The following ZCCHC2 variants were observed in gnomAD, a reference collection of about 807,000 sequenced individuals.
ZCCHC2 encodes the protein zinc finger CCHC-type containing 2, also known as zinc finger CCHC domain-containing protein 2.
Under a neutral mutation model 103.6 loss-of-function variants are expected in ZCCHC2, and 39 were observed. The observed-to-expected ratio is 0.38, with a 90% CI of 0.29 to 0.49. The LOEUF (loss-of-function observed/expected upper bound fraction) is 0.49. ZCCHC2 is among the 20% of genes least tolerant of loss of function. The probability of loss-of-function intolerance (pLI) is 0.96; values close to 1 mark genes in which losing one functional copy is unlikely to be tolerated. For missense variants in ZCCHC2, 1,483 were observed against 1,491.0 expected, an observed-to-expected ratio of 0.99 and a Z score of 0.09; for synonymous variants, 687 against 608.9, an observed-to-expected ratio of 1.13 and a Z score of -1.89.
intron 3 of ZCCHC2, among the ~76,000 whole-genome samples, chr18:62,543,371 G>T (rs1196956713): frequency 6.6e-6 from 1 of 152,082 alleles, no homozygotes; most frequent in African/African-American, 2.4e-5. Context: ...TGGAGAGCAG[G>T]AATCTTCATT....
rs770664207 is a variant in ZCCHC2 at position 62,550,327 on chromosome 18, A to G, written c.1201-21A>G. 5.2e-6 allele frequency: 8 copies of G among 1,545,410 alleles called. No homozygotes were observed. In the East Asian group the frequency reaches 1.1e-4, roughly 22 times the overall value. ...GTAAGTGAGAAACTTAACATTGGAT[A>G]TTGTGGTTTTTCTTTTCTAGCTTCC... is the stretch of plus-strand genomic sequence containing the variant. On this transcript the variant is annotated intron_variant, in intron 4 of 13. Coordinates refer to ENST00000269499, the MANE Select transcript of ZCCHC2 (RefSeq NM_017742.6).
At chr18:62,561,845 A>G (rs1028460874) in intron 8 of ZCCHC2, among the ~76,000 whole-genome samples, 5 of 152,246 alleles carry the variant, frequency 3.3e-5, no homozygotes, top group Admixed American at 1.3e-4. Context: ...CTTTGCATGA[A>G]TTCTTGAATC....
Position 62,523,375 on chromosome 18 carries a change from G to GGGGGGC in ZCCHC2, c.-49_-48insGGGGCG. ...CGCCTCGGCCCGTGCTCCACCTCGC[G>GGGGGGC]GCCCCTCCCGCCCGCCCCCGCTCGC... On this transcript the variant is annotated 5_prime_UTR_variant, in exon 1 of 14. Transcript: ENST00000269499. The GGGGGGC allele has an allele frequency of 9.9e-7, 1 of 1,009,540 alleles. No homozygotes were observed. Among genetic ancestry groups the GGGGGGC allele is most frequent in the Non-Finnish European group, 1.2e-6 (1 of 847,972 alleles). 62.5% of individuals were successfully genotyped at this position (1,009,540 alleles called of 1,614,324 possible).
Position 62,563,157 on chromosome 18 carries a change from T to C in ZCCHC2, c.1686+13T>C, listed in dbSNP as rs750702841. On this transcript the variant is annotated intron_variant, in intron 9 of 13. Coordinates refer to ENST00000269499, the MANE Select transcript of ZCCHC2 (RefSeq NM_017742.6). ...CTCGGCTGACCAGGTGTGTGGGGAG[T>C]TTGTTTTGGAGCTATATAGTTAAAG... is the stretch of plus-strand genomic sequence containing the variant. The C allele has an allele frequency of 7.5e-6, 12 of 1,608,458 alleles. No homozygotes were observed. Among genetic ancestry groups the C allele is most frequent in the Non-Finnish European group, 7.7e-6 (9 of 1,175,886 alleles).
chr18:62,524,128 G>A lies in ZCCHC2; in HGVS notation c.704G>A (p.Gly235Asp), dbSNP rs555064117. 1.7e-4 allele frequency: 255 copies of A among 1,539,300 alleles called. No individual in the cohort carries two copies. The highest frequency in any genetic ancestry group is 2.4e-4 in the Admixed American group (12 of 50,606). ...GGCGAGCAGGACGCCGAGAAGGACG[G>A]CTCAGGCCCGGAAGGCGGCATTGTG... ...GDGEQDAEKD[G>D]SGPEGGIVEP... Residue 235 changes from glycine to aspartate, a missense_variant, in exon 1 of 14, where the codon GGC becomes GAC. This residue lies in a region of ZCCHC2 where 568 missense variants were observed against 525.1 expected (regional missense o/e 1.08). Transcript: ENST00000269499.
At chr18:62,542,794 A>T (rs1287011162) in intron 3 of ZCCHC2, among the ~76,000 whole-genome samples, 7 of 152,238 alleles carry the variant, frequency 4.6e-5, no homozygotes, top group Admixed American at 4.6e-4. Context: ...AAAAGAAGTA[A>T]GAGCCTTAGA....
At chr18:62,548,311 A>T (rs1374336992) in intron 4 of ZCCHC2, among the ~76,000 whole-genome samples, 2 of 152,216 alleles carry the variant, frequency 1.3e-5, no homozygotes, top group African/African-American at 4.8e-5. Context: ...TATGCCCAGG[A>T]AATTAAAGAT....
chr18:62,585,111 G>T (rs1433343696), exon 15 of ZCCHC2: 1 of 152,222 alleles, frequency 6.6e-6, no homozygotes, highest in Non-Finnish European at 1.5e-5. Flanking sequence ...TTGAGGACGC[G>T]GGAGGGTGAA....
chr18:62,567,837 C>T lies in ZCCHC2; in HGVS notation c.1847-2266C>T, dbSNP rs111395248. Among the ~76,000 whole-genome samples the T allele has an allele frequency of 7.7e-3, 1,154 of 149,656 alleles. 15 individuals carry two copies. The highest frequency in any genetic ancestry group is 0.025 in the African/African-American group (1,028 of 40,630). On this transcript the variant is annotated intron_variant, in intron 11 of 13. Coordinates refer to ENST00000269499, the MANE Select transcript of ZCCHC2 (RefSeq NM_017742.6). The stretch of plus-strand genomic sequence containing the variant: ...GTGCACACCTGTAATCCCAGCTACT[C>T]GGGAGACTGAGGCAGGAGCATCACT...
At chr18:62,549,214 G>T (rs535272295) in intron 4 of ZCCHC2, among the ~76,000 whole-genome samples, 1 of 150,904 alleles carries the variant, frequency 6.6e-6, no homozygotes, top group African/African-American at 2.4e-5. Context: ...GCGAGACTCC[G>T]TCTCAAAAAA....
In ZCCHC2 at chr18:62,574,917, G is replaced by T; in HGVS notation, c.2836G>T (p.Ala946Ser). The T allele has an allele frequency of 6.2e-7, 1 of 1,613,780 alleles. No homozygotes were observed. The highest frequency in any genetic ancestry group is 8.5e-7 in the Non-Finnish European group (1 of 1,179,892). The change falls in exon 13 of 14, where the codon GCG (alanine) becomes TCG (serine). Residue 946 changes from alanine (A) to serine (S), a missense_variant. By Grantham distance (99) the Ala-to-Ser change is moderately conservative. This residue lies in a region of ZCCHC2 where 884 missense variants were observed against 907.5 expected (regional missense o/e 0.97). Transcript: ENST00000269499. ...CACAGCAGCAACTTCTCCCCAGCCA[G>T]CGAGCGCAGGTATCAGCCAGGCCCA... ...LSTAATSPQP[A>S]SAGISQAQAT...
chr18:62,567,682 G>A (rs1391878777), intron 11 of ZCCHC2, among the ~76,000 whole-genome samples: 2 of 151,994 alleles, frequency 1.3e-5, no homozygotes, highest in African/African-American at 2.4e-5. Context: ...GGTGGCTCAC[G>A]CCTGTAATCC....
Position 62,524,100 on chromosome 18 carries a change from G to A in ZCCHC2, c.676G>A (p.Asp226Asn). ...GAEDERGEDG[D>N]GEQDAEKDGS... ...GGAGGACGAGCGCGGCGAGGACGGC[G>A]ACGGCGAGCAGGACGCCGAGAAGGA... Residue 226 changes from aspartate (D) to asparagine (N), a missense_variant, in exon 1 of 14, where the codon GAC (aspartate) becomes AAC (asparagine). Coordinates refer to ENST00000269499, the MANE Select transcript of ZCCHC2 (RefSeq NM_017742.6). 6.6e-6 allele frequency: 10 copies of A among 1,520,420 alleles called. No homozygotes were observed. The highest frequency in any genetic ancestry group is 8.8e-6 in the Non-Finnish European group (10 of 1,139,336). The allele number at this position is 1,520,420 out of a possible 1,614,324, so 94.2% of individuals were successfully genotyped here.
At position 62,531,519 on chromosome 18, in the gene ZCCHC2, T is replaced by G. The variant is rs77064386; in HGVS notation, c.939+7156T>G. On this transcript the variant is annotated intron_variant, in intron 1 of 13. Coordinates refer to ENST00000269499, the MANE Select transcript of ZCCHC2 (RefSeq NM_017742.6). ...TGTCCAGTATAAAATAGGGATATCA[T>G]TCCTATCTGTTTCCTATAATTGTTG... Among the ~76,000 whole-genome samples the G allele has an allele frequency of 6.1e-3, 922 of 152,330 alleles. 7 individuals are homozygous for G. The highest frequency in any genetic ancestry group is 0.021 in the African/African-American group (861 of 41,572).
At chr18:62,552,776 G>A (rs1915720550) in intron 5 of ZCCHC2, among the ~76,000 whole-genome samples, 1 of 151,836 alleles carries the variant, frequency 6.6e-6, no homozygotes, top group African/African-American at 2.4e-5. Context: ...TGTAGTCCCA[G>A]CTACTCCAGA....
At chr18:62,554,006 T>A (rs375895208) in intron 5 of ZCCHC2, among the ~76,000 whole-genome samples, 1 of 152,262 alleles carries the variant, frequency 6.6e-6, no homozygotes, top group Non-Finnish European at 1.5e-5. Context: ...TTCAAAGATA[T>A]GTTTGAAAAT....
Position 62,542,520 on chromosome 18 carries a change from G to T in ZCCHC2, c.1074G>T (p.Met358Ile), listed in dbSNP as rs867259093. 6.4e-7 allele frequency: 1 copy of T among 1,563,782 alleles called. No homozygotes were observed. The highest frequency in any genetic ancestry group is 8.7e-7 in the Non-Finnish European group (1 of 1,152,720). Reference sequence around the variant, plus strand: ...CAGCTGTACACATTGAGAAGATAATGTTGAAAGGAGTCCAGAGAAAAAGAG... The same window carrying T: ...CAGCTGTACACATTGAGAAGATAATTTTGAAAGGAGTCCAGAGAAAAAGAG... ...QREAVHIEKIMLKGVQRKRAD... is the reference protein window; with the variant it reads ...QREAVHIEKIILKGVQRKRAD... The change falls in exon 3 of 14, where the codon ATG (methionine) becomes ATT (isoleucine). Residue 358 changes from methionine to isoleucine, a missense_variant. By Grantham distance (10) the Met-to-Ile change is conservative (BLOSUM62 1). Around this residue, in one of 3 missense-constraint regions of ZCCHC2, gnomAD observed 568 missense variants for 525.1 expected, o/e 1.08. Transcript: ENST00000269499.
rs761343831 is a variant in ZCCHC2 at position 62,575,322 on chromosome 18, G to T, written c.3241G>T (p.Ala1081Ser). 6.2e-7 allele frequency: 1 copy of T among 1,613,880 alleles called. No individual in the cohort carries two copies. The highest frequency in any genetic ancestry group is 1.1e-5 in the South Asian group (1 of 91,052). ...TTTTTTTCTGCCTCAGACTCCATAT[G>T]CAAATGGACTGGTACATGACCCAGT... ...LPFFLPQTPYANGLVHDPVMG... is the reference protein window; with the variant it reads ...LPFFLPQTPYSNGLVHDPVMG... The change falls in exon 13 of 14, where the codon GCA (alanine) becomes TCA (serine). Residue 1081 changes from alanine to serine, a missense_variant. This residue lies in a region of ZCCHC2 where 884 missense variants were observed against 907.5 expected (regional missense o/e 0.97). Coordinates refer to ENST00000269499, the MANE Select transcript of ZCCHC2 (RefSeq NM_017742.6).
At chr18:62,529,191 T>C (rs945138425) in intron 1 of ZCCHC2, among the ~76,000 whole-genome samples, 1 of 151,742 alleles carries the variant, frequency 6.6e-6, no homozygotes, top group Non-Finnish European at 1.5e-5. Context: ...AGATGCTTTT[T>C]AAAAATGACC....
Sources: gnomAD v4.1 joint callset for allele counts (sites outside exome capture counted in the v4.1 genomes callset) on GRCh38, gnomAD v4.1.1 for gene constraint, gnomAD v4.1.1 regional missense constraint, MANE v1.5 for transcripts, NCBI Gene and HGNC (gene_info 2026-07-23, HGNC 2026-07-21) for gene names.